EPHA7: variants seen among roughly 807,000 people sequenced by gnomAD.
EPHA7 encodes the protein EPH receptor A7.
Under a neutral mutation model 112.6 loss-of-function variants are expected in EPHA7, and 25 were observed. The ratio of observed to expected loss-of-function variants is 0.22; its 90% CI spans 0.16 to 0.31. The LOEUF (loss-of-function observed/expected upper bound fraction) is 0.31. Ranked by LOEUF, EPHA7 falls within the 10% of genes least tolerant of loss-of-function variation. The pLI is 1.00. For missense variants in EPHA7, 962 were observed against 1,212.6 expected (o/e 0.79, Z 3.07); for synonymous variants, 437 against 406.5 (o/e 1.07, Z -0.90).
At chr6:93,406,371 C>T (rs879750317) in intron 3 of EPHA7, among the ~76,000 whole-genome samples, 1 of 151,172 alleles carries the variant, frequency 6.6e-6, no homozygotes. Context: ...CAAAAAGAAG[C>T]AGTGTTAATT....
chr6:93,379,457 G>A (rs1317135999), intron 3 of EPHA7, among the ~76,000 whole-genome samples: 2 of 151,730 alleles, frequency 1.3e-5, no homozygotes, highest in Non-Finnish European at 2.9e-5. Flanking sequence ...CTTTTTTTAG[G>A]GAATGTAATT....
At chr6:93,327,253 T>C (rs1774367473) in intron 5 of EPHA7, among the ~76,000 whole-genome samples, 1 of 151,560 alleles carries the variant, frequency 6.6e-6, no homozygotes, top group Admixed American at 6.6e-5. Flanking sequence ...GAAATAACTT[T>C]CTTTGCTTTC....
At chr6:93,244,829 T>G (rs1241962222) in intron 16 of EPHA7, among the ~76,000 whole-genome samples, 4 of 152,268 alleles carry the variant, frequency 2.6e-5, no homozygotes, top group Non-Finnish European at 4.4e-5. Flanking sequence ...AGTATAAAGT[T>G]TTGAAATTAT....
Position 93,393,026 on chromosome 6 carries a change from G to GA in EPHA7, c.832+17474dup, listed in dbSNP as rs539914265. Among the ~76,000 whole-genome samples the GA allele has an allele frequency of 1.8e-4, 27 of 151,792 alleles. No homozygotes were observed. The East Asian group carries it at 4.7e-3, about 26-fold the overall frequency. On this transcript the variant is annotated intron_variant, in intron 3 of 16. Coordinates refer to ENST00000369303, the MANE Select transcript of EPHA7 (RefSeq NM_004440.4). ...GATCATGAAACTAATACTAGTTTAA[G>GA]AAAAAAATCTCATTTCATTAAATAA...
intron 8 of EPHA7, 94 bp downstream of exon 8, chr6:93,264,500 T>G: frequency 1.5e-6 from 1 of 656,984 alleles, no homozygotes; most frequent in Non-Finnish European, 2.5e-6. Context: ...TTGCATTTAC[T>G]ATTTAAAATT....
intron 5 of EPHA7, among the ~76,000 whole-genome samples, chr6:93,331,759 G>C (rs1262729708): frequency 6.6e-6 from 1 of 151,454 alleles, no homozygotes; most frequent in East Asian, 1.9e-4. Context: ...ATTATACCTT[G>C]TTTAGTTTAT....
intron 5 of EPHA7, among the ~76,000 whole-genome samples, chr6:93,303,905 T>C (rs1020757639): frequency 9.2e-5 from 14 of 152,126 alleles, no homozygotes; most frequent in Admixed American, 2.0e-4. Context: ...TCAGGTATTA[T>C]CTGTGGAAAC....
intron 5 of EPHA7, among the ~76,000 whole-genome samples, chr6:93,348,960 T>C (rs1485562293): frequency 6.6e-6 from 1 of 151,810 alleles, no homozygotes; most frequent in African/African-American, 2.4e-5. Flanking sequence ...AAATATATGA[T>C]ACACTTAGTA....
chr6:93,288,807 A>G (rs548646835), intron 5 of EPHA7, among the ~76,000 whole-genome samples: 84 of 152,320 alleles, frequency 5.5e-4, no homozygotes, highest in African/African-American at 2.0e-3. Flanking sequence ...TTCTCTGAGT[A>G]AAATCCATCT....
chr6:93,282,495 G>A (rs1318792254), intron 5 of EPHA7, among the ~76,000 whole-genome samples: 1 of 152,214 alleles, frequency 6.6e-6, no homozygotes, highest in Admixed American at 6.5e-5. Context: ...GGCAGCCCTC[G>A]CAGCCCTCAC....
At chr6:93,262,507 C>T (rs1770736688) in intron 9 of EPHA7, among the ~76,000 whole-genome samples, 1 of 151,250 alleles carries the variant, frequency 6.6e-6, no homozygotes. Context: ...CATAAATTTG[C>T]TACAGCACTC....
At chr6:93,282,857 T>A (rs951608260) in intron 5 of EPHA7, among the ~76,000 whole-genome samples, 1 of 152,260 alleles carries the variant, frequency 6.6e-6, no homozygotes, top group East Asian at 1.9e-4. Context: ...GCTCAGGACC[T>A]GCACCCTGCC....
At chr6:93,258,834 TA>T (rs1770562529) in intron 10 of EPHA7, among the ~76,000 whole-genome samples, 1 of 151,430 alleles carries the variant, frequency 6.6e-6, no homozygotes, top group African/African-American at 2.4e-5. Context: ...CTACTGGATT[TA>T]AAGGAATTAG....
intron 5 of EPHA7, among the ~76,000 whole-genome samples, chr6:93,289,164 G>T (rs1236337221): frequency 3.3e-5 from 5 of 152,008 alleles, no homozygotes; most frequent in East Asian, 1.9e-4. Context: ...TTGTAAAATT[G>T]TACACACACC....
chr6:93,299,365 AAAG>A (rs1772850954), intron 5 of EPHA7, among the ~76,000 whole-genome samples: 1 of 151,654 alleles, frequency 6.6e-6, no homozygotes, highest in African/African-American at 2.4e-5. Flanking sequence ...AAGAAAAAAA[AAAG>A]AAGAAAGAAA....
At position 93,262,215 on chromosome 6, in the gene EPHA7, A is replaced by G. The variant is rs188614481; in HGVS notation, c.1798+1645T>C. On this transcript the variant is annotated intron_variant, in intron 9 of 16. Coordinates refer to ENST00000369303, the MANE Select transcript of EPHA7 (RefSeq NM_004440.4). Reference sequence around the variant, plus strand: ...GGGGAAGTGTTAAAAATATTCTCACATGTTATTAAATAGAAACAAAAAAAG... The same window carrying G: ...GGGGAAGTGTTAAAAATATTCTCACGTGTTATTAAATAGAAACAAAAAAAG... 2.8e-3 allele frequency among the ~76,000 whole-genome samples: 422 copies of G among 151,422 alleles called. 1 individual carries two copies. Among genetic ancestry groups the G allele is most frequent in the African/African-American group, 9.5e-3 (394 of 41,446 alleles).
Position 93,254,683 on chromosome 6 carries a change from A to G in EPHA7, c.2496T>C (p.Tyr832=), listed in dbSNP as rs1247538829. ...YGIVMWEVMS[Y]GERPYWDMSN... ...ACATGTCCCAATAAGGTCTTTCTCC[A>G]TAAGACATAACTTCCCACATGACTA... The change falls in exon 14 of 17, where the codon TAT becomes TAC. Residue 832 remains tyrosine (Y), a synonymous_variant. Coordinates refer to ENST00000369303, the MANE Select transcript of EPHA7 (RefSeq NM_004440.4). The G allele has an allele frequency of 3.7e-6, 6 of 1,613,252 alleles. No individual in the cohort carries two copies. Among genetic ancestry groups the G allele is most frequent in the Non-Finnish European group, 5.1e-6 (6 of 1,179,492 alleles).
rs888692550 is a variant in EPHA7 at position 93,326,760 on chromosome 6, G to A, written c.1324+29957C>T. Among the ~76,000 whole-genome samples, 6 of 151,466 alleles carry A rather than the reference G, an allele frequency of 4.0e-5. No individual in the cohort carries two copies. The South Asian group carries it at 6.2e-4, about 16-fold the overall frequency. On this transcript the variant is annotated intron_variant, in intron 5 of 16. Transcript: ENST00000369303. ...TATTTCATACTAACACACATCCAGC[G>A]GTGAGCAGAATGACTCATGACAGGT...
At chr6:93,365,904 T>C (rs1292490319) in intron 3 of EPHA7, among the ~76,000 whole-genome samples, 2 of 152,226 alleles carry the variant, frequency 1.3e-5, no homozygotes, top group Non-Finnish European at 2.9e-5. Flanking sequence ...TTATTTGATG[T>C]TTTATTAATA....
Sources: allele counts gnomAD v4.1 joint callset (sites outside exome capture counted in the v4.1 genomes callset), GRCh38; gene constraint gnomAD v4.1.1; transcripts MANE v1.5; gene names NCBI Gene and HGNC (gene_info 2026-07-23, HGNC 2026-07-21).